Variants in NAA15 observed in about 807,000 individuals in gnomAD.
NAA15 encodes N-alpha-acetyltransferase 15, NatA auxiliary subunit.
In NAA15, 34 loss-of-function variants were observed where a neutral mutation model predicts 114.0. That is an observed-to-expected ratio of 0.30 (90% confidence interval 0.23 to 0.40). The LOEUF (loss-of-function observed/expected upper bound fraction) is 0.40. NAA15 is among the 10% of genes least tolerant of loss of function. The pLI is 1.00. For missense variants in NAA15, 658 were observed against 1,004.5 expected, an observed-to-expected ratio of 0.66 and a Z score of 4.66; for synonymous variants, 340 against 338.0, an observed-to-expected ratio of 1.01 and a Z score of -0.06.
At chr4:139,360,731 G>T in intron 13 of NAA15, 103 bp downstream of exon 13, 1 of 1,046,982 alleles carries the variant, frequency 9.6e-7, no homozygotes, top group Non-Finnish European at 1.3e-6. Flanking sequence ...TTCATAGTAG[G>T]TGCTTTTTAA....
Position 139,359,750 on chromosome 4 carries a change from G to A in NAA15, c.1265G>A (p.Gly422Glu). 6.2e-7 allele frequency: 1 copy of A among 1,600,792 alleles called. No individual in the cohort carries two copies. ...LVKAKIYKHA[G>E]NIKEAARWMD... is the part of the protein sequence containing the mutation. ...GCTTTTGTACCTTATAAGCATGCTG[G>A]AAATATTAAAGAAGCTGCAAGGTGG... Residue 422 changes from glycine (G) to glutamate (E), a missense_variant, in exon 12 of 20, where the codon GGA becomes GAA. By Grantham distance (98) the Gly-to-Glu change is moderately conservative. This residue lies in a region of NAA15 where 281 missense variants were observed against 389.1 expected (regional missense o/e 0.72). Transcript: ENST00000296543.
intron 1 of NAA15, among the ~76,000 whole-genome samples, chr4:139,309,292 G>A (rs1234005039): frequency 2.0e-5 from 3 of 150,742 alleles, no homozygotes; most frequent in African/African-American, 7.3e-5. Context: ...AGGTTGCAGT[G>A]AGCCGAGATC....
At chr4:139,311,392 G>A (rs552415762) in intron 1 of NAA15, among the ~76,000 whole-genome samples, 3 of 152,038 alleles carry the variant, frequency 2.0e-5, no homozygotes, top group African/African-American at 4.8e-5. Context: ...TCTTTGGATT[G>A]TGTGCTTGCA....
At chr4:139,344,138 T>C in intron 5 of NAA15, 48 bp from the exon 6 acceptor site, 6 of 1,464,150 alleles carry the variant, frequency 4.1e-6, no homozygotes, top group Non-Finnish European at 5.5e-6. Flanking sequence ...AATTTTCTGA[T>C]ATGAAAATAA....
intron 1 of NAA15, among the ~76,000 whole-genome samples, chr4:139,330,710 AT>A (rs1224673768): frequency 6.6e-6 from 1 of 152,172 alleles, no homozygotes; most frequent in Non-Finnish European, 1.5e-5. Context: ...TAGGTTTCAG[AT>A]GCAAAACAAC....
chr4:139,361,660 G>T, intron 13 of NAA15, 64 bp from the exon 14 acceptor site: 4 of 1,017,964 alleles, frequency 3.9e-6, no homozygotes, highest in South Asian at 1.8e-5. Flanking sequence ...CCAATGCTTT[G>T]ATTTTATAGT....
intron 3 of NAA15, 53 bp downstream of exon 3, chr4:139,337,005 C>A: frequency 8.3e-7 from 1 of 1,210,598 alleles, no homozygotes; most frequent in Non-Finnish European, 1.2e-6. Context: ...TGAGCTAAGG[C>A]AGCAATTTGA....
intron 14 of NAA15, among the ~76,000 whole-genome samples, chr4:139,368,723 G>T (rs1403153825): frequency 1.3e-5 from 2 of 152,170 alleles, no homozygotes; most frequent in South Asian, 2.1e-4. Context: ...GGTGGCGGGG[G>T]TGGAGGGGGG....
chr4:139,340,342 A>C (rs569264703), intron 3 of NAA15, among the ~76,000 whole-genome samples: 25 of 152,248 alleles, frequency 1.6e-4, no homozygotes, highest in Non-Finnish European at 3.5e-4. Context: ...AAGAAGTTTT[A>C]ATAATTACGG....
intron 10 of NAA15, among the ~76,000 whole-genome samples, chr4:139,355,031 G>C (rs913322731): frequency 6.6e-6 from 1 of 152,044 alleles, no homozygotes; most frequent in African/African-American, 2.4e-5. Context: ...CTGCCACCAC[G>C]CCTGGCTAAT....
intron 14 of NAA15, among the ~76,000 whole-genome samples, chr4:139,366,969 A>G (rs185636096): frequency 1.1e-4 from 17 of 152,332 alleles, no homozygotes; most frequent in African/African-American, 3.6e-4. Flanking sequence ...AGTCTATCCC[A>G]TTGTAACATT....
At chr4:139,318,571 A>T (rs1746491400) in intron 1 of NAA15, 1 of 152,130 alleles carries the variant, frequency 6.6e-6, no homozygotes, top group African/African-American at 2.4e-5. Context: ...ATGTCAAAGG[A>T]GGCTGGGCAT....
chr4:139,336,616 A>C lies in NAA15; in HGVS notation c.140-232A>C, dbSNP rs967273855. 5.3e-5 allele frequency among the ~76,000 whole-genome samples: 8 copies of C among 152,172 alleles called. 1 individual carries two copies. The highest frequency in any genetic ancestry group is 1.0e-4 in the Non-Finnish European group (7 of 68,024). On this transcript the variant is annotated intron_variant, in intron 2 of 19. Coordinates refer to ENST00000296543, the MANE Select transcript of NAA15 (RefSeq NM_057175.5). ...ATTTTGTATCTTTTATCTTAAAAAA[A>C]AGGAGAGTCTCTTTCCAATAATAGA...
At chr4:139,332,841 C>A (rs1417220246) in intron 1 of NAA15, among the ~76,000 whole-genome samples, 1 of 151,764 alleles carries the variant, frequency 6.6e-6, no homozygotes, top group African/African-American at 2.4e-5. Context: ...CTTGGCCTAC[C>A]AAAGTGCTGG....
At chr4:139,349,391 G>A in intron 6 of NAA15, 71 bp from the exon 7 acceptor site, 1 of 1,359,530 alleles carries the variant, frequency 7.4e-7, no homozygotes, top group Non-Finnish European at 9.9e-7. Context: ...GAAATTTTGA[G>A]GAAAAGTTAA....
At chr4:139,308,907 G>A (rs1026907406) in intron 1 of NAA15, among the ~76,000 whole-genome samples, 1 of 151,858 alleles carries the variant, frequency 6.6e-6, no homozygotes, top group Non-Finnish European at 1.5e-5. Flanking sequence ...GTGAGCCACC[G>A]CACCCTGCCG....
chr4:139,315,011 G>GTTTAGTTTAGTTTATTTTGGT (rs59026436), intron 1 of NAA15, among the ~76,000 whole-genome samples: 5 of 86,952 alleles, frequency 5.8e-5, no homozygotes, highest in Admixed American at 2.5e-4. Flanking sequence ...TTTAGTTTAG[G>GTTTAGTTTAGTTTATTTTGGT]TTAGGTTAGG....
intron 10 of NAA15, among the ~76,000 whole-genome samples, chr4:139,354,766 G>A (rs1332953159): frequency 6.6e-6 from 1 of 152,126 alleles, no homozygotes; most frequent in East Asian, 1.9e-4. Context: ...CTCCCATATT[G>A]TTCTGAAGCA....
intron 1 of NAA15, among the ~76,000 whole-genome samples, chr4:139,315,046 G>GTTTAGTTTAGTTTAGTTTAGT (rs1560953006): frequency 2.2e-5 from 2 of 92,646 alleles, no homozygotes; most frequent in African/African-American, 7.7e-5. Flanking sequence ...GTTAGGTTAG[G>GTTTAGTTTAGTTTAGTTTAGT]TTAGGTTAGT....
Sources: gnomAD v4.1 joint callset for allele counts (sites outside exome capture counted in the v4.1 genomes callset) on GRCh38, gnomAD v4.1.1 for gene constraint, gnomAD v4.1.1 regional missense constraint, MANE v1.5 for transcripts, NCBI Gene and HGNC (gene_info 2026-07-23, HGNC 2026-07-21) for gene names.